Variants in BNC2 observed in about 807,000 individuals in gnomAD.
The protein encoded by BNC2 is zinc finger protein basonuclin-2.
Under a neutral mutation model 76.3 loss-of-function variants are expected in BNC2, and 20 were observed. That is an observed-to-expected ratio of 0.26 (90% confidence interval 0.18 to 0.38). The LOEUF is 0.38. Among genes scored for constraint, BNC2 ranks in the 10% least tolerant of loss-of-function variants. BNC2 has a pLI of 1.00. For missense variants in BNC2, 1,382 were observed against 1,399.8 expected (o/e 0.99, Z 0.20); for synonymous variants, 582 against 514.8 (o/e 1.13, Z -1.77).
intron 3 of BNC2, among the ~76,000 whole-genome samples, chr9:16,664,487 C>T (rs1296546412): frequency 6.6e-6 from 1 of 152,124 alleles, no homozygotes; most frequent in Admixed American, 6.6e-5. Context: ...AGGCCTCTCT[C>T]CTTTTAGCTG....
chr9:16,710,884 G>C (rs1823817337), intron 3 of BNC2, among the ~76,000 whole-genome samples: 1 of 152,070 alleles, frequency 6.6e-6, no homozygotes, highest in African/African-American at 2.4e-5. Context: ...ATTACTACTG[G>C]GAAAATGAAG....
At chr9:16,788,344 G>C (rs552617498) in intron 1 of BNC2, among the ~76,000 whole-genome samples, 3 of 151,744 alleles carry the variant, frequency 2.0e-5, no homozygotes, top group South Asian at 2.1e-4. Flanking sequence ...ATGAAGTCAG[G>C]AGATCGAGAC....
chr9:16,479,878 G>A (rs1269320535), intron 5 of BNC2, among the ~76,000 whole-genome samples: 1 of 152,096 alleles, frequency 6.6e-6, no homozygotes, highest in African/African-American at 2.4e-5. Context: ...CTTAACCTTT[G>A]GAAGAATACT....
At chr9:16,741,957 CAA>C (rs35573018) in intron 1 of BNC2, among the ~76,000 whole-genome samples, 77 of 79,404 alleles carry the variant, frequency 9.7e-4, no homozygotes, top group East Asian at 7.7e-3. Flanking sequence ...GGCTCCATCT[CAA>C]AAAAAAAAAA....
intron 1 of BNC2, among the ~76,000 whole-genome samples, chr9:16,824,802 G>A (rs1217321312): frequency 1.3e-5 from 2 of 152,182 alleles, no homozygotes; most frequent in African/African-American, 4.8e-5. Context: ...CAGAGGCACA[G>A]TGAAAGAGAA....
At chr9:16,493,290 C>G (rs570517760) in intron 5 of BNC2, among the ~76,000 whole-genome samples, 32 of 152,308 alleles carry the variant, frequency 2.1e-4, no homozygotes, top group African/African-American at 6.7e-4. Flanking sequence ...GTTACATCTA[C>G]CTTATCTGAC....
chr9:16,857,482 A>T (rs1166393277), intron 1 of BNC2, among the ~76,000 whole-genome samples: 9 of 13,702 alleles, frequency 6.6e-4, no homozygotes, highest in Non-Finnish European at 2.6e-3. Context: ...GTCTCAAATA[A>T]AAAAAAAAAA....
intron 5 of BNC2, among the ~76,000 whole-genome samples, chr9:16,482,230 A>C (rs1322407364): frequency 1.3e-5 from 2 of 152,250 alleles, no homozygotes; most frequent in African/African-American, 2.4e-5. Flanking sequence ...GGCCAAACAC[A>C]GTCTTCCAGC....
chr9:16,429,965 G>T (rs764936399), intron 6 of BNC2: 1 of 516,092 alleles, frequency 1.9e-6, no homozygotes, highest in Non-Finnish European at 3.9e-6. Flanking sequence ...CATGATACAA[G>T]GAGACCGTTT....
intron 1 of BNC2, among the ~76,000 whole-genome samples, chr9:16,768,258 GA>G (rs1309587847): frequency 6.6e-6 from 1 of 152,086 alleles, no homozygotes; most frequent in Non-Finnish European, 1.5e-5. Context: ...GAACCACCAT[GA>G]CAGGCCAGTG....
chr9:16,478,363 G>C (rs1376065390), intron 5 of BNC2, among the ~76,000 whole-genome samples: 1 of 152,050 alleles, frequency 6.6e-6, no homozygotes, highest in Non-Finnish European at 1.5e-5. Context: ...CATACACAGT[G>C]GTACCCAGAA....
chr9:16,574,289 G>A (rs1032515007), intron 4 of BNC2, among the ~76,000 whole-genome samples: 2 of 152,100 alleles, frequency 1.3e-5, no homozygotes, highest in Non-Finnish European at 2.9e-5. Flanking sequence ...ATAAAGTGGC[G>A]AGCCCATCGA....
intron 1 of BNC2, among the ~76,000 whole-genome samples, chr9:16,820,157 C>T (rs1222295199): frequency 1.4e-5 from 2 of 139,728 alleles, no homozygotes; most frequent in East Asian, 4.2e-4. Flanking sequence ...TGGGCGTGGT[C>T]GCTCACATCT....
intron 5 of BNC2, among the ~76,000 whole-genome samples, chr9:16,482,616 T>A (rs1403469247): frequency 6.6e-6 from 1 of 152,188 alleles, no homozygotes. Flanking sequence ...AGACATATAA[T>A]CTTACTTACT....
intron 3 of BNC2, chr9:16,685,613 T>C (rs1822953198): frequency 7.7e-7 from 1 of 1,304,294 alleles, no homozygotes; most frequent in African/African-American, 1.5e-5. Flanking sequence ...ACTCTGCCAG[T>C]ACATGCCAAT....
At chr9:16,449,931 G>T (rs924457120) in intron 5 of BNC2, among the ~76,000 whole-genome samples, 1 of 151,996 alleles carries the variant, frequency 6.6e-6, no homozygotes, top group Non-Finnish European at 1.5e-5. Flanking sequence ...CATTCTGGAA[G>T]TATTTTCCAA....
chr9:16,532,991 C>T (rs918718193), intron 5 of BNC2, among the ~76,000 whole-genome samples: 9 of 152,152 alleles, frequency 5.9e-5, no homozygotes, highest in Non-Finnish European at 8.8e-5. Flanking sequence ...ACAACGCTAG[C>T]AATGTCTAAA....
intron 1 of BNC2, among the ~76,000 whole-genome samples, chr9:16,858,386 T>C (rs1819314190): frequency 6.6e-6 from 1 of 152,188 alleles, no homozygotes; most frequent in South Asian, 2.1e-4. Context: ...CCAAATGACA[T>C]ATTTCTTGTC....
At chr9:16,856,286 C>T (rs1819255590) in intron 1 of BNC2, among the ~76,000 whole-genome samples, 1 of 151,868 alleles carries the variant, frequency 6.6e-6, no homozygotes, top group Admixed American at 6.6e-5. Context: ...CTCACACACA[C>T]ACACACACAC....
Sources: gnomAD v4.1 joint callset for allele counts (sites outside exome capture counted in the v4.1 genomes callset) on GRCh38, gnomAD v4.1.1 for gene constraint, MANE v1.5 for transcripts, NCBI Gene and HGNC (gene_info 2026-07-23, HGNC 2026-07-21) for gene names.